The following GPHN variants were observed in gnomAD, a reference collection of about 807,000 sequenced individuals.
The protein encoded by GPHN is gephyrin.
Under a neutral mutation model 95.5 loss-of-function variants are expected in GPHN, and 17 were observed. The observed-to-expected ratio is 0.18, with a 90% CI of 0.12 to 0.27. GPHN has a LOEUF of 0.27. Ranked by LOEUF, GPHN falls within the 10% of genes least tolerant of loss-of-function variation. The pLI is 1.00. For missense variants in GPHN, 660 were observed against 978.1 expected, an observed-to-expected ratio of 0.67 and a Z score of 4.34; for synonymous variants, 320 against 322.5, an observed-to-expected ratio of 0.99 and a Z score of 0.08.
At chr14:67,598,713 C>CTTTTTTT in the GPHN span, among the ~76,000 whole-genome samples, 1 of 144,390 alleles carries the variant, frequency 6.9e-6, no homozygotes, top group South Asian at 2.2e-4. Context: ...TATGAACAAA[C>CTTTTTTT]TTTTTTTTTT....
chr14:66,827,228 G>A (rs878969423), intron 4 of GPHN, among the ~76,000 whole-genome samples: 1 of 151,792 alleles, frequency 6.6e-6, no homozygotes, highest in Non-Finnish European at 1.5e-5. Context: ...AGGTTTCGGC[G>A]AGCAGAGATC....
chr14:67,557,737 AAAG>A, the GPHN span, among the ~76,000 whole-genome samples: 140 of 152,324 alleles, frequency 9.2e-4, no homozygotes, highest in African/African-American at 3.2e-3. Flanking sequence ...CACATTTATA[AAAG>A]AAGGGTGGAA....
intron 9 of GPHN, among the ~76,000 whole-genome samples, chr14:66,967,807 C>T (rs1436843661): frequency 2.0e-5 from 3 of 151,706 alleles, no homozygotes; most frequent in African/African-American, 4.8e-5. Flanking sequence ...AGCAGGGGAA[C>T]TTCATTTAGA....
chr14:67,351,436 T>C, the GPHN span, among the ~76,000 whole-genome samples: 3 of 152,228 alleles, frequency 2.0e-5, no homozygotes, highest in Admixed American at 6.5e-5. Context: ...TTTCTAAGCC[T>C]TATATGTAAC....
intron 12 of GPHN, among the ~76,000 whole-genome samples, chr14:67,097,025 G>A (rs1271021721): frequency 6.6e-6 from 1 of 152,170 alleles, no homozygotes; most frequent in African/African-American, 2.4e-5. Context: ...AATCTTCTAA[G>A]AACGTTTTTG....
the GPHN span, among the ~76,000 whole-genome samples, chr14:67,713,345 T>A: frequency 7.9e-6 from 1 of 126,346 alleles, no homozygotes; most frequent in African/African-American, 3.0e-5. Flanking sequence ...CTGCTTTCCA[T>A]CGTCATGGAA....
At chr14:66,629,060 C>T (rs1206103071) in intron 1 of GPHN, among the ~76,000 whole-genome samples, 3 of 139,012 alleles carry the variant, frequency 2.2e-5, no homozygotes, top group African/African-American at 5.4e-5. Context: ...CAGAGTAAGA[C>T]CCCATCTCAA....
the GPHN span, chr14:67,198,864 G>A: frequency 1.5e-6 from 1 of 645,780 alleles, no homozygotes. Context: ...AAGAAATGGT[G>A]AAATGAGTTC....
In GPHN at chr14:66,718,692, G is replaced by A. The variant is rs530606630; in HGVS notation, c.143+37507G>A. Among the ~76,000 whole-genome samples, 101 of 152,160 alleles carry A rather than the reference G, an allele frequency of 6.6e-4. No homozygotes were observed. The Middle Eastern group carries it at 0.027, about 41-fold the overall frequency. On this transcript the variant is annotated intron_variant, in intron 2 of 22. Transcript: ENST00000478722. ...GTTTTTACAGTGTGCTGATTGGTGCGTTTACAATCCTTTAGCTAGACACAG... is the reference window on the plus strand; with the variant it reads ...GTTTTTACAGTGTGCTGATTGGTGCATTTACAATCCTTTAGCTAGACACAG...
chr14:67,605,300 A>G, the GPHN span, among the ~76,000 whole-genome samples: 10 of 152,178 alleles, frequency 6.6e-5, no homozygotes, highest in African/African-American at 2.4e-4. Context: ...TAGGTATTTG[A>G]TGTTTTCTGA....
chr14:66,809,809 GA>G (rs575513179), intron 3 of GPHN, among the ~76,000 whole-genome samples: 65 of 152,134 alleles, frequency 4.3e-4, no homozygotes, highest in Admixed American at 1.4e-3. Flanking sequence ...ATTCGTGGAA[GA>G]AATGCAACAC....
chr14:66,717,253 C>G (rs556061429), intron 2 of GPHN, among the ~76,000 whole-genome samples: 2 of 152,008 alleles, frequency 1.3e-5, no homozygotes, highest in African/African-American at 4.8e-5. Flanking sequence ...GTCTTCGAGC[C>G]CTGAATTTCT....
intron 1 of GPHN, among the ~76,000 whole-genome samples, chr14:66,665,025 C>T (rs1254676990): frequency 2.0e-5 from 3 of 146,628 alleles, no homozygotes; most frequent in African/African-American, 5.1e-5. Context: ...CAGGACCAGA[C>T]GGCTTCACAG....
the GPHN span, among the ~76,000 whole-genome samples, chr14:67,198,546 C>G: frequency 6.6e-6 from 1 of 152,200 alleles, no homozygotes; most frequent in Non-Finnish European, 1.5e-5. Flanking sequence ...TGTCTTAACT[C>G]TACCATAATT....
chr14:66,510,486 G>A (rs1191363056), intron 1 of GPHN, among the ~76,000 whole-genome samples: 1 of 152,176 alleles, frequency 6.6e-6, no homozygotes, highest in Non-Finnish European at 1.5e-5. Context: ...CCCTTATCTG[G>A]TGTCCCTACA....
chr14:66,668,816 C>A (rs2066122200), intron 1 of GPHN, among the ~76,000 whole-genome samples: 1 of 151,684 alleles, frequency 6.6e-6, no homozygotes, highest in African/African-American at 2.4e-5. Flanking sequence ...TCCTTCTAGC[C>A]TTTCTGGTTT....
intron 9 of GPHN, among the ~76,000 whole-genome samples, chr14:67,002,864 C>T (rs2072333854): frequency 6.6e-6 from 1 of 151,504 alleles, no homozygotes; most frequent in Admixed American, 6.6e-5. Flanking sequence ...GATACATTAT[C>T]TGTTAGGTTT....
intron 10 of GPHN, 87 bp downstream of exon 10, chr14:67,023,762 C>A: frequency 9.4e-7 from 1 of 1,061,904 alleles, no homozygotes; most frequent in Non-Finnish European, 1.5e-6. Flanking sequence ...AGAAGAAAAG[C>A]AATGGGGAAT....
the GPHN span, among the ~76,000 whole-genome samples, chr14:67,678,641 A>G: frequency 6.6e-6 from 1 of 152,204 alleles, no homozygotes; most frequent in African/African-American, 2.4e-5. Flanking sequence ...TCTCATCAGA[A>G]TGCTTTGTTT....
Sources: gnomAD v4.1 joint callset for allele counts (sites outside exome capture counted in the v4.1 genomes callset) on GRCh38, gnomAD v4.1.1 for gene constraint, MANE v1.5 for transcripts, NCBI Gene and HGNC (gene_info 2026-07-23, HGNC 2026-07-21) for gene names.